GRHPR: variants seen among roughly 807,000 people sequenced by gnomAD.
The protein encoded by GRHPR is glyoxylate and hydroxypyruvate reductase, also known as glyoxylate reductase/hydroxypyruvate reductase.
GRHPR carries 35 observed loss-of-function variants against 36.8 expected under a neutral mutation model. The observed-to-expected ratio is 0.95, with a 90% CI of 0.73 to 1.26. GRHPR has a LOEUF of 1.26. GRHPR is among the 50% of genes most tolerant of loss of function. The probability of loss-of-function intolerance (pLI) is 0.00; values close to 1 mark genes in which losing one functional copy is unlikely to be tolerated. For missense variants in GRHPR, 380 were observed against 435.0 expected, an observed-to-expected ratio of 0.87 and a Z score of 1.12; for synonymous variants, 179 against 181.0, an observed-to-expected ratio of 0.99 and a Z score of 0.09.
At chr9:37,422,921 TG>T (rs1306869293) in intron 1 of GRHPR, 88 bp downstream of exon 1, 1 of 959,284 alleles carries the variant, frequency 1.0e-6, no homozygotes, top group African/African-American at 1.6e-5. Context: ...TGTGGCCGGC[TG>T]GGGCAGGCTT....
At chr9:37,423,729 C>T (rs1019542774) in intron 1 of GRHPR, among the ~76,000 whole-genome samples, 1 of 152,238 alleles carries the variant, frequency 6.6e-6, no homozygotes, top group Non-Finnish European at 1.5e-5. Flanking sequence ...CCACCTCAGC[C>T]TCCCAAAGTG....
upstream of GRHPR, chr9:37,422,552 T>G: frequency 1.6e-6 from 1 of 614,548 alleles, no homozygotes; most frequent in East Asian, 3.7e-5. Context: ...CTGTGTAGGG[T>G]CACTGTTACT....
chr9:37,438,691 A>C (rs1332717876), downstream of GRHPR: 1 of 152,276 alleles, frequency 6.6e-6, no homozygotes, highest in African/African-American at 2.4e-5. Flanking sequence ...CCCAAGGTTA[A>C]TCTCACAAGA....
rs138843824 is a variant in GRHPR, at chr9:37,422,801, C to G, written c.51C>G (p.Ala17=). The G allele has an allele frequency of 6.2e-7, 1 of 1,602,692 alleles. No homozygotes were observed. The highest frequency in any genetic ancestry group is 1.3e-5 in the African/African-American group (1 of 74,744). ...TGTTCGTCACCCGCAGGATACCCGC[C>G]GAGGGTAGGGTCGCGCTCGCCCGGG... ...MKVFVTRRIP[A]EGRVALARAA... The change falls in exon 1 of 9, where the codon GCC becomes GCG. Residue 17 remains alanine (A), a synonymous_variant. Coordinates refer to ENST00000318158, the MANE Select transcript of GRHPR (RefSeq NM_012203.2).
At chr9:37,422,690 C>T, upstream of GRHPR, 3 of 1,331,610 alleles carry the variant, frequency 2.3e-6, no homozygotes, top group East Asian at 2.5e-5. Flanking sequence ...CCGCCCCGGC[C>T]CAGCTACATT....
chr9:37,430,646 G>A lies in GRHPR; in HGVS notation c.734G>A (p.Arg245Lys). 6.2e-7 allele frequency: 1 copy of A among 1,613,480 alleles called. No homozygotes were observed. ...KETAVFINIS[R>K]GDVVNQDDLY... ...ACAGCTGTGTTCATCAACATCAGCA[G>A]GTATCCTAGGGCCACCTTACCCAGC... Residue 245 changes from arginine (R) to lysine (K), a missense_variant and splice_region_variant, in exon 7 of 9, where the codon AGG becomes AAG. Physicochemically the swap from Arg to Lys is conservative, Grantham distance 26. Coordinates refer to ENST00000318158, the MANE Select transcript of GRHPR (RefSeq NM_012203.2).
chr9:37,423,598 A>G (rs1443827823), intron 1 of GRHPR, among the ~76,000 whole-genome samples: 1 of 152,072 alleles, frequency 6.6e-6, no homozygotes, highest in African/African-American at 2.4e-5. Flanking sequence ...CAGCCTCCCA[A>G]GTAGCTGGGA....
intron 8 of GRHPR, among the ~76,000 whole-genome samples, chr9:37,435,703 C>G (rs1823607979): frequency 6.6e-6 from 1 of 151,976 alleles, no homozygotes; most frequent in Non-Finnish European, 1.5e-5. Flanking sequence ...CCAGCCTGGG[C>G]AACAAAGACC....
chr9:37,436,700 G>GCAA lies in GRHPR; in HGVS notation c.908_910dup (p.Asn303dup). On this transcript the variant is annotated inframe_insertion, in exon 9 of 9. Coordinates refer to ENST00000318158, the MANE Select transcript of GRHPR (RefSeq NM_012203.2). ...ATTGGCAGTGCCACCCACAGAACCC[G>GCAA]CAACACCATGTCCTTGTTGGCAGCT... is the stretch of plus-strand genomic sequence containing the variant. The GCAA allele has an allele frequency of 6.2e-7, 1 of 1,613,850 alleles. No individual in the cohort carries two copies. Among genetic ancestry groups the GCAA allele is most frequent in the Admixed American group, 1.7e-5 (1 of 59,984 alleles).
chr9:37,425,105 G>C (rs1272139023), intron 2 of GRHPR, 130 bp downstream of exon 2: 3 of 901,400 alleles, frequency 3.3e-6, no homozygotes. Flanking sequence ...TACCAGGCCC[G>C]AGCGGGCAGA....
upstream of GRHPR, chr9:37,422,583 A>G: frequency 3.1e-6 from 2 of 654,580 alleles, no homozygotes; most frequent in Non-Finnish European, 5.5e-6. Context: ...GAGCACGCAC[A>G]GTCACCGCTC....
intron 5 of GRHPR, 159 bp downstream of exon 5, chr9:37,428,731 A>G: frequency 1.4e-6 from 1 of 706,814 alleles, no homozygotes; most frequent in East Asian, 2.7e-5. Context: ...TGTAAAACAC[A>G]GGCAAATACA....
At chr9:37,430,357 G>T (rs972382754) in intron 6 of GRHPR, 154 bp from the exon 7 acceptor site, 33 of 728,118 alleles carry the variant, frequency 4.5e-5, no homozygotes, top group Non-Finnish European at 7.4e-5. Context: ...ATTTGACTTT[G>T]TGCACTCATG....
intron 2 of GRHPR, 62 bp from the exon 3 acceptor site, chr9:37,425,860 C>T (rs927310068): frequency 2.9e-6 from 3 of 1,021,588 alleles, no homozygotes. Flanking sequence ...ATGATAGTCC[C>T]CAGTGCTGTG....
intron 5 of GRHPR, chr9:37,428,883 C>T (rs905278816): frequency 1.7e-5 from 8 of 471,360 alleles, no homozygotes; most frequent in East Asian, 4.4e-5. Flanking sequence ...GAGTGGTTAC[C>T]GTGAGAGAGC....
chr9:37,428,483 G>A lies in GRHPR; in HGVS notation c.405-1G>A, dbSNP rs779208888. The A allele has an allele frequency of 1.2e-6, 2 of 1,603,694 alleles. No individual in the cohort carries two copies. Among genetic ancestry groups the A allele is most frequent in the Admixed American group, 1.7e-5 (1 of 60,010 alleles). The stretch of plus-strand genomic sequence containing the variant: ...TCACCTGCCCCTCTCTCTCCCCTCA[G>A]TGGTGGCTGGACCTCGTGGAAGCCC... On this transcript the variant is annotated splice_acceptor_variant, in intron 4 of 8. Coordinates refer to ENST00000318158, the MANE Select transcript of GRHPR (RefSeq NM_012203.2). LOFTEE classifies it high-confidence loss of function.
In GRHPR at chr9:37,425,986, C is replaced by A. The variant is rs1284928688; in HGVS notation, c.279C>A (p.Ile93=). The A allele has an allele frequency of 6.2e-7, 1 of 1,610,126 alleles. No homozygotes were observed. Among genetic ancestry groups the A allele is most frequent in the South Asian group, 1.1e-5 (1 of 91,012 alleles). ...TCGACCACTTGGCTTTGGATGAAAT[C>A]AAGAAGCGGTAACTGCAGCTTGGGA... The part of the protein sequence containing the change: ...VGIDHLALDE[I]KKRGIRVGYT... The change falls in exon 3 of 9, where the codon ATC becomes ATA. Residue 93 remains isoleucine, a synonymous_variant. Coordinates refer to ENST00000318158, the MANE Select transcript of GRHPR (RefSeq NM_012203.2).
intron 5 of GRHPR, 58 bp downstream of exon 5, chr9:37,428,630 C>G (rs1459089598): frequency 8.9e-7 from 1 of 1,126,996 alleles, no homozygotes. Context: ...GTTTGCATCC[C>G]TGGCACCACG....
intron 1 of GRHPR, 122 bp from the exon 2 acceptor site, chr9:37,424,722 CT>C: frequency 8.8e-7 from 1 of 1,142,774 alleles, no homozygotes; most frequent in Non-Finnish European, 1.2e-6. Context: ...CTGACCCTGC[CT>C]CCCCTCAGCC....
Sources: gnomAD v4.1 joint callset for allele counts (sites outside exome capture counted in the v4.1 genomes callset) on GRCh38, gnomAD v4.1.1 for gene constraint, MANE v1.5 for transcripts, NCBI Gene and HGNC (gene_info 2026-07-23, HGNC 2026-07-21) for gene names.